The following FOXO3 variants were observed in gnomAD, a reference collection of about 807,000 sequenced individuals.
FOXO3 encodes the protein forkhead box protein O3.
FOXO3 carries 4 observed loss-of-function variants against 41.9 expected under a neutral mutation model. The observed-to-expected ratio is 0.10, with a 90% CI of 0.05 to 0.22. The LOEUF (loss-of-function observed/expected upper bound fraction) is 0.22, where lower values mean the gene tolerates loss of function less well. Ranked by LOEUF, FOXO3 falls within the 10% of genes least tolerant of loss-of-function variation. The pLI is 1.00. For missense variants in FOXO3, 534 were observed against 906.8 expected, an observed-to-expected ratio of 0.59 and a Z score of 5.28; for synonymous variants, 318 against 389.3, an observed-to-expected ratio of 0.82 and a Z score of 2.16.
At chr6:108,585,739 G>T (rs575151807) in intron 1 of FOXO3, among the ~76,000 whole-genome samples, 4 of 152,314 alleles carry the variant, frequency 2.6e-5, no homozygotes, top group Middle Eastern at 3.4e-3. Flanking sequence ...AAAAGGTATC[G>T]TTATTATTAT....
intron 1 of FOXO3, among the ~76,000 whole-genome samples, chr6:108,646,386 G>A (rs1373135675): frequency 6.6e-6 from 1 of 152,310 alleles, no homozygotes; most frequent in East Asian, 1.9e-4. Context: ...CTAAGTCAAA[G>A]GTTGTGTGCA....
rs1770968942 is a variant in FOXO3, at chr6:108,683,990, A to G, written c.*4198A>G. 6.6e-6 allele frequency: 1 copy of G among 152,446 alleles called. No individual in the cohort carries two copies. Among genetic ancestry groups the G allele is most frequent in the Admixed American group, 6.5e-5 (1 of 15,274 alleles). The allele number at this position is 152,446 out of a possible 1,614,324, so 9.4% of individuals were successfully genotyped here. ...CCAAATAAAAGAGTATATTTTATCT[A>G]AATCTTAAGTGGGTAACATTTTATG... On this transcript the variant is annotated 3_prime_UTR_variant, in exon 3 of 3. Coordinates refer to ENST00000406360, the MANE Select transcript of FOXO3 (RefSeq NM_001455.4).
intron 1 of FOXO3, among the ~76,000 whole-genome samples, chr6:108,637,605 G>A (rs763657822): frequency 1.3e-5 from 2 of 152,034 alleles, no homozygotes; most frequent in Non-Finnish European, 2.9e-5. Context: ...TTCTAGAGTC[G>A]TGATTCTGGA....
intron 1 of FOXO3, among the ~76,000 whole-genome samples, chr6:108,591,038 G>C (rs1261700875): frequency 6.6e-6 from 1 of 152,226 alleles, no homozygotes; most frequent in African/African-American, 2.4e-5. Flanking sequence ...TCATCCTTTA[G>C]AAGATGTTGC....
intron 1 of FOXO3, among the ~76,000 whole-genome samples, chr6:108,638,986 C>A (rs1162893553): frequency 6.6e-6 from 1 of 152,178 alleles, no homozygotes; most frequent in East Asian, 1.9e-4. Flanking sequence ...GAGTCCTTTT[C>A]CACTGCGGTG....
intron 1 of FOXO3, among the ~76,000 whole-genome samples, chr6:108,590,498 A>G (rs1300567887): frequency 6.6e-6 from 1 of 152,222 alleles, no homozygotes; most frequent in African/African-American, 2.4e-5. Context: ...TCTTCAGGCT[A>G]TGTGTATGAG....
intron 1 of FOXO3, among the ~76,000 whole-genome samples, chr6:108,625,286 T>C (rs1777781347): frequency 6.6e-6 from 1 of 152,220 alleles, no homozygotes. Context: ...TTACTTAACA[T>C]TTCCATGCTT....
chr6:108,594,340 A>G (rs1303565916), intron 1 of FOXO3, among the ~76,000 whole-genome samples: 1 of 152,228 alleles, frequency 6.6e-6, no homozygotes, highest in Non-Finnish European at 1.5e-5. Context: ...GTTGTAGAAT[A>G]AAAGGTTGAT....
At chr6:108,595,943 A>G (rs968553564) in intron 1 of FOXO3, among the ~76,000 whole-genome samples, 25 of 152,194 alleles carry the variant, frequency 1.6e-4, no homozygotes, top group Non-Finnish European at 1.9e-4. Context: ...TCAGTAAGAA[A>G]TATTTTAATG....
intron 1 of FOXO3, among the ~76,000 whole-genome samples, chr6:108,586,936 ATATTATTATTATTAT>A (rs143546022): frequency 0.026 from 3,465 of 133,600 alleles, 139 homozygotes; most frequent in African/African-American, 0.084. Flanking sequence ...CTGAACGTAA[ATATTATTATTATTAT>A]TATTATTATT....
At chr6:108,599,901 T>G (rs892914698) in intron 1 of FOXO3, among the ~76,000 whole-genome samples, 1 of 152,216 alleles carries the variant, frequency 6.6e-6, no homozygotes, top group Non-Finnish European at 1.5e-5. Context: ...CAGCAAAATA[T>G]TGGGTGGCTG....
At chr6:108,645,702 G>C (rs543901730) in intron 1 of FOXO3, among the ~76,000 whole-genome samples, 2 of 152,260 alleles carry the variant, frequency 1.3e-5, no homozygotes, top group Admixed American at 1.3e-4. Flanking sequence ...TAAAGTGCCT[G>C]ATGACACATA....
chr6:108,560,968 C>T lies in FOXO3; in HGVS notation c.-241C>T, dbSNP rs976309578. 69 of 1,337,642 alleles carry T rather than the reference C, an allele frequency of 5.2e-5. No individual in the cohort carries two copies. The Admixed American group carries it at 1.2e-3, about 24-fold the overall frequency. 82.9% of individuals were successfully genotyped at this position (1,337,642 alleles called of 1,614,324 possible). On this transcript the variant is annotated 5_prime_UTR_variant, in exon 1 of 3. Transcript: ENST00000406360. The stretch of plus-strand genomic sequence containing the variant: ...CCGCACGTCTTCAGGTCCTCCTGTT[C>T]CTGGGAGGCGGGCGCGGCAGGACTG...
At chr6:108,587,017 C>T (rs75270290) in intron 1 of FOXO3, among the ~76,000 whole-genome samples, 5,379 of 149,816 alleles carry the variant, frequency 0.036, 136 homozygotes, top group Middle Eastern at 0.094. Flanking sequence ...TGCTGTGTTG[C>T]CTAGACTGGT....
rs1204196292 is a variant in FOXO3 at position 108,561,486 on chromosome 6, T to C, written c.278T>C (p.Leu93Pro). 6.7e-7 allele frequency: 1 copy of C among 1,496,390 alleles called. No homozygotes were observed. The highest frequency in any genetic ancestry group is 2.6e-5 in the East Asian group (1 of 38,030). 92.7% of individuals were successfully genotyped at this position (1,496,390 alleles called of 1,614,324 possible). A position where few individuals can be genotyped will look rare whatever the true frequency, so the allele number is the denominator to read the frequency against. ...AGCGGCACGCTGGGCTCCGGGCTGC[T>C]CCTTGAGGACTCGGCCCGGGTGCTG... is the stretch of plus-strand genomic sequence containing the variant. The part of the protein sequence containing the change: ...GGSGTLGSGL[L>P]LEDSARVLAP... The change falls in exon 1 of 3, where the codon CTC becomes CCC. Residue 93 changes from leucine (L) to proline (P), a missense_variant. Transcript: ENST00000406360.
intron 1 of FOXO3, among the ~76,000 whole-genome samples, chr6:108,572,606 GT>G (rs1361608356): frequency 6.6e-6 from 1 of 152,130 alleles, no homozygotes; most frequent in Non-Finnish European, 1.5e-5. Context: ...AATTGCATCT[GT>G]TTATTCTCAT....
At chr6:108,646,623 A>G (rs1210974095) in intron 1 of FOXO3, among the ~76,000 whole-genome samples, 1 of 152,202 alleles carries the variant, frequency 6.6e-6, no homozygotes, top group Non-Finnish European at 1.5e-5. Flanking sequence ...TTTAAGGCAG[A>G]TAACCTAGTT....
chr6:108,614,431 T>C (rs1166585030), intron 1 of FOXO3, among the ~76,000 whole-genome samples: 2 of 152,150 alleles, frequency 1.3e-5, no homozygotes, highest in Non-Finnish European at 2.9e-5. Flanking sequence ...AAGGTTGTTA[T>C]ATCCTCCTGA....
chr6:108,582,205 A>G (rs1776440563), intron 1 of FOXO3, among the ~76,000 whole-genome samples: 1 of 152,190 alleles, frequency 6.6e-6, no homozygotes, highest in Admixed American at 6.5e-5. Flanking sequence ...AGCCACCTAA[A>G]TAAGTGCCTA....
Sources: allele counts gnomAD v4.1 joint callset (sites outside exome capture counted in the v4.1 genomes callset), GRCh38; gene constraint gnomAD v4.1.1; transcripts MANE v1.5; gene names NCBI Gene and HGNC (gene_info 2026-07-23, HGNC 2026-07-21).